The following CNTLN variants were observed in gnomAD, a reference collection of about 807,000 sequenced individuals.
CNTLN encodes centlein.
A neutral mutation model predicts 180.0 loss-of-function variants in CNTLN; 212 were observed. The ratio of observed to expected loss-of-function variants is 1.18; its 90% confidence interval spans 1.05 to 1.32. The LOEUF (loss-of-function observed/expected upper bound fraction) is 1.32. CNTLN is among the 40% of genes most tolerant of loss of function. CNTLN has a pLI of 0.00. For missense variants in CNTLN, 2,095 were observed against 1,610.9 expected, an observed-to-expected ratio of 1.30 and a Z score of -5.14; for synonymous variants, 722 against 563.1, an observed-to-expected ratio of 1.28 and a Z score of -3.99.
At chr9:17,194,502 T>A (rs891939396) in intron 2 of CNTLN, among the ~76,000 whole-genome samples, 1 of 152,112 alleles carries the variant, frequency 6.6e-6, no homozygotes, top group African/African-American at 2.4e-5. Context: ...CTAACAAGGG[T>A]CACCTTTGTT....
At position 17,214,496 on chromosome 9, in the gene CNTLN, G is replaced by A. The variant is rs59201592; in HGVS notation, c.450-11707G>A. On this transcript the variant is annotated intron_variant, in intron 2 of 25. Coordinates refer to ENST00000380647, the MANE Select transcript of CNTLN (RefSeq NM_017738.4). Reference sequence around the variant, plus strand: ...TCTGGCTGCCCTTAATATTTTTTCCGTCATTTCAACTTTGGTGAATCTGAC... The same window carrying A: ...TCTGGCTGCCCTTAATATTTTTTCCATCATTTCAACTTTGGTGAATCTGAC... Among the ~76,000 whole-genome samples, 90 of 152,004 alleles carry A rather than the reference G, an allele frequency of 5.9e-4. 1 individual carries two copies. In the East Asian group the frequency reaches 8.3e-3, roughly 14 times the overall value.
At chr9:17,261,146 C>A (rs909289845) in intron 5 of CNTLN, among the ~76,000 whole-genome samples, 2 of 151,214 alleles carry the variant, frequency 1.3e-5, no homozygotes, top group African/African-American at 4.9e-5. Flanking sequence ...CTTAGGATTG[C>A]TTTGTCTAAT....
rs112153216 is a variant in CNTLN, at chr9:17,380,695, C to CA, written c.1988-7464dup. Among the ~76,000 whole-genome samples, 75 of 152,296 alleles carry CA rather than the reference C, an allele frequency of 4.9e-4. 2 individuals carry two copies. The highest frequency in any genetic ancestry group is 1.7e-3 in the African/African-American group (71 of 41,570). On this transcript the variant is annotated intron_variant, in intron 13 of 25. Transcript: ENST00000380647. ...AGTCACAAGTGCATGAATATGTTCA[C>CA]AAACCATTTCTTACCATGTTCGTCA... is the stretch of plus-strand genomic sequence containing the variant.
At chr9:17,400,148 AT>A (rs1587889539) in intron 15 of CNTLN, among the ~76,000 whole-genome samples, 1 of 151,832 alleles carries the variant, frequency 6.6e-6, no homozygotes, top group Admixed American at 6.6e-5. Context: ...TTATTTATTT[AT>A]TTTTTTGAGA....
At chr9:17,298,491 G>T in intron 7 of CNTLN, 139 bp downstream of exon 7, 1 of 1,335,180 alleles carries the variant, frequency 7.5e-7, no homozygotes. Flanking sequence ...TAGAAGTGAA[G>T]GATGGTTCAA....
chr9:17,179,687 T>C (rs180887542), intron 2 of CNTLN, among the ~76,000 whole-genome samples: 71 of 152,298 alleles, frequency 4.7e-4, no homozygotes, highest in Non-Finnish European at 7.8e-4. Flanking sequence ...ATCCTATAGG[T>C]TGATTTTGTT....
chr9:17,212,619 C>T (rs1218777312), intron 2 of CNTLN, among the ~76,000 whole-genome samples: 1 of 152,162 alleles, frequency 6.6e-6, no homozygotes, highest in African/African-American at 2.4e-5. Context: ...GGAATAGTTT[C>T]AGAAGGAATG....
Position 17,346,485 on chromosome 9 carries a change from G to A in CNTLN, c.1886+4041G>A, listed in dbSNP as rs186408130. Among the ~76,000 whole-genome samples, 358 of 152,246 alleles carry A rather than the reference G, an allele frequency of 2.4e-3. 2 individuals carry two copies. Among genetic ancestry groups the A allele is most frequent in the African/African-American group, 8.2e-3 (342 of 41,548 alleles). ...AGCTAGACCATATCACTACTGAATG[G>A]TATTTTCACCATATGTAGAATTATA... On this transcript the variant is annotated intron_variant, in intron 12 of 25. Transcript: ENST00000380647.
chr9:17,457,770 G>C (rs1831217241), intron 19 of CNTLN, 55 bp downstream of exon 19: 1 of 1,105,488 alleles, frequency 9.0e-7, no homozygotes, highest in African/African-American at 1.6e-5. Flanking sequence ...AATCCTGCAA[G>C]ACATATTTAT....
chr9:17,193,230 T>C (rs1821904835), intron 2 of CNTLN, among the ~76,000 whole-genome samples: 1 of 152,148 alleles, frequency 6.6e-6, no homozygotes, highest in Admixed American at 6.5e-5. Flanking sequence ...TGTCCTCACA[T>C]TTCAAAACCA....
At chr9:17,192,607 C>G (rs894003359) in intron 2 of CNTLN, among the ~76,000 whole-genome samples, 1 of 152,044 alleles carries the variant, frequency 6.6e-6, no homozygotes, top group African/African-American at 2.4e-5. Flanking sequence ...GAGTAACTTG[C>G]TTAAACTCAC....
In CNTLN at chr9:17,503,100, T is replaced by C. The variant is rs1833834635; in HGVS notation, c.*448T>C. The C allele has an allele frequency of 6.6e-6, 1 of 152,374 alleles. No homozygotes were observed. The highest frequency in any genetic ancestry group is 1.5e-5 in the Non-Finnish European group (1 of 68,164). The allele number at this position is 152,374 out of a possible 1,614,324, so 9.4% of individuals were successfully genotyped here. ...GCAACAGATTTGTAGTATGAGCAAA[T>C]ATAAAATGAAGCATCATAACTTGAG... On this transcript the variant is annotated 3_prime_UTR_variant, in exon 26 of 26. Coordinates refer to ENST00000380647, the MANE Select transcript of CNTLN (RefSeq NM_017738.4).
chr9:17,322,104 T>C (rs1192671333), intron 8 of CNTLN, among the ~76,000 whole-genome samples: 1 of 152,164 alleles, frequency 6.6e-6, no homozygotes, highest in African/African-American at 2.4e-5. Flanking sequence ...GATTTAATTA[T>C]ATTCAGTAAT....
intron 18 of CNTLN, among the ~76,000 whole-genome samples, chr9:17,432,637 G>A (rs1035581674): frequency 2.0e-5 from 3 of 152,062 alleles, no homozygotes; most frequent in Non-Finnish European, 4.4e-5. Context: ...AGCAATACTA[G>A]AAACCATAAG....
chr9:17,407,234 A>T (rs945454774), intron 15 of CNTLN, among the ~76,000 whole-genome samples: 7 of 152,208 alleles, frequency 4.6e-5, no homozygotes, highest in African/African-American at 1.7e-4. Context: ...GTAATTCTAT[A>T]GTTGGTGTTT....
rs779905643 is a variant in CNTLN, at chr9:17,302,119, CAG to C, written c.1146+3769_1146+3770del. On this transcript the variant is annotated intron_variant, in intron 7 of 25. Coordinates refer to ENST00000380647, the MANE Select transcript of CNTLN (RefSeq NM_017738.4). ...ACACACACACACACACACACACACA[CAG>C]ACACACACACACTGACCTATCCACC... 351 of 602,938 alleles carry C rather than the reference CAG, an allele frequency of 5.8e-4. 2 individuals carry two copies. In the African/African-American group the frequency reaches 0.012, roughly 21 times the overall value. 37.3% of individuals were successfully genotyped at this position (602,938 alleles called of 1,614,324 possible). A position where few individuals can be genotyped will look rare whatever the true frequency, so the allele number is the denominator to read the frequency against.
At chr9:17,362,692 C>A (rs947065233) in intron 12 of CNTLN, among the ~76,000 whole-genome samples, 3 of 151,996 alleles carry the variant, frequency 2.0e-5, no homozygotes, top group Admixed American at 2.0e-4. Flanking sequence ...TGTGTGATGA[C>A]TATCTTTATT....
At chr9:17,308,971 TG>T in intron 7 of CNTLN, 86 bp from the exon 8 acceptor site, 1 of 25,978 alleles carries the variant, frequency 3.8e-5, no homozygotes, top group East Asian at 7.1e-4. Flanking sequence ...ACAGTTCATA[TG>T]TATATATACA....
intron 2 of CNTLN, chr9:17,166,917 A>G (rs1021979724): frequency 2.2e-6 from 1 of 457,488 alleles, no homozygotes; most frequent in East Asian, 7.3e-5. Flanking sequence ...TGAATAATAT[A>G]AAGATATTCC....
Sources: allele counts gnomAD v4.1 joint callset (sites outside exome capture counted in the v4.1 genomes callset), GRCh38; gene constraint gnomAD v4.1.1; transcripts MANE v1.5; gene names NCBI Gene and HGNC (gene_info 2026-07-23, HGNC 2026-07-21).